The following PTPRB variants were observed in gnomAD, a reference collection of about 807,000 sequenced individuals.
The protein encoded by PTPRB is protein tyrosine phosphatase receptor type B, also known as receptor-type tyrosine-protein phosphatase beta.
Under a neutral mutation model 238.1 loss-of-function variants are expected in PTPRB, and 97 were observed. The ratio of observed to expected loss-of-function variants is 0.41; its 90% confidence interval spans 0.35 to 0.48. The LOEUF (loss-of-function observed/expected upper bound fraction) is 0.48, where lower values mean the gene tolerates loss of function less well. Among genes scored for constraint, PTPRB ranks in the 20% least tolerant of loss-of-function variants. PTPRB has a pLI of 0.30. For synonymous variants in PTPRB, 970 were observed against 995.4 expected (o/e 0.97, Z 0.48); for missense variants, 2,292 against 2,681.9 (o/e 0.85, Z 3.21).
At chr12:70,536,216 A>C in intron 28 of PTPRB, 57 bp from the exon 29 acceptor site, 4 of 1,551,582 alleles carry the variant, frequency 2.6e-6, no homozygotes, top group Non-Finnish European at 3.5e-6. Context: ...CAGAACTATA[A>C]ACAAAGAGTT....
chr12:70,532,227 T>G, intron 31 of PTPRB, 57 bp from the exon 32 acceptor site: 1 of 1,514,566 alleles, frequency 6.6e-7, no homozygotes, highest in Non-Finnish European at 8.8e-7. Context: ...CTTTCAAGAT[T>G]GCATCTAGAG....
At chr12:70,601,120 A>C (rs10879167) in intron 4 of PTPRB, among the ~76,000 whole-genome samples, 34,831 of 151,636 alleles carry the variant, frequency 0.23, 4,144 homozygotes, top group East Asian at 0.32. Context: ...CCCGCCTTGG[A>C]CTCCCAAAGT....
At position 70,596,152 on chromosome 12, in the gene PTPRB, T is replaced by A. The variant is rs574290035; in HGVS notation, c.1155A>T (p.Glu385Asp). The A allele has an allele frequency of 6.2e-7, 1 of 1,613,720 alleles. No individual in the cohort carries two copies. Among genetic ancestry groups the A allele is most frequent in the African/African-American group, 1.3e-5 (1 of 75,016 alleles). The change falls in exon 5 of 34, where the codon GAA (glutamate) becomes GAT (aspartate). Residue 385 changes from glutamate (E) to aspartate (D), a missense_variant. By Grantham distance (45) the Glu-to-Asp change is conservative (BLOSUM62 2). Transcript: ENST00000334414. The stretch of plus-strand genomic sequence containing the variant: ...CAGCAGTGAGATTGAAAAAAGTGTA[T>A]TCATTCCATGAAGTACTTTCTTGAA... ...VQIQESTSWN[E>D]YTFFNLTAGS...
intron 32 of PTPRB, among the ~76,000 whole-genome samples, chr12:70,530,417 G>T (rs1310371713): frequency 6.6e-6 from 1 of 151,934 alleles, no homozygotes; most frequent in East Asian, 1.9e-4. Flanking sequence ...GCATACAAAT[G>T]TACACATATA....
intron 14 of PTPRB, among the ~76,000 whole-genome samples, chr12:70,568,677 G>C (rs1879636421): frequency 6.6e-6 from 1 of 152,186 alleles, no homozygotes; most frequent in Non-Finnish European, 1.5e-5. Context: ...ATGAAATAGA[G>C]GCATAGTAGG....
intron 28 of PTPRB, among the ~76,000 whole-genome samples, chr12:70,537,574 T>C (rs1386449259): frequency 1.3e-5 from 2 of 152,188 alleles, no homozygotes; most frequent in African/African-American, 4.8e-5. Context: ...GCTTGAGGTA[T>C]GAGGTAAATA....
chr12:70,565,192 A>G (rs891502369), intron 15 of PTPRB, among the ~76,000 whole-genome samples: 1 of 151,984 alleles, frequency 6.6e-6, no homozygotes, highest in African/African-American at 2.4e-5. Flanking sequence ...TTGCTATCTG[A>G]TTTATCTTTT....
intron 2 of PTPRB, among the ~76,000 whole-genome samples, chr12:70,629,181 T>C (rs1208651876): frequency 6.6e-6 from 1 of 152,020 alleles, no homozygotes; most frequent in African/African-American, 2.4e-5. Flanking sequence ...CCTTGAAACA[T>C]TTTTTTAAAG....
At chr12:70,549,389 C>A (rs1876546611) in intron 21 of PTPRB, among the ~76,000 whole-genome samples, 2 of 152,210 alleles carry the variant, frequency 1.3e-5, no homozygotes, top group South Asian at 4.1e-4. Flanking sequence ...CAGACCAGCA[C>A]TTTCCTAACC....
At chr12:70,559,286 T>G in intron 18 of PTPRB, 57 bp downstream of exon 18, 1 of 1,516,992 alleles carries the variant, frequency 6.6e-7, no homozygotes. Flanking sequence ...AGTAAGATGT[T>G]GAACATATAC....
At chr12:70,614,315 G>A (rs965901131) in intron 3 of PTPRB, among the ~76,000 whole-genome samples, 5 of 152,056 alleles carry the variant, frequency 3.3e-5, no homozygotes, top group African/African-American at 1.2e-4. Context: ...ATTCAGGAGA[G>A]TTAATGAGAT....
At position 70,587,148 on chromosome 12, in the gene PTPRB, G is replaced by T; in HGVS notation, c.2170C>A (p.Leu724Ile). ...KYIISLADRDLLLIHKSLSKD... is the reference protein window; with the variant it reads ...KYIISLADRDILLIHKSLSKD... ...GAGAGTGACTTGTGGATCAGTAAGA[G>T]GTCTCTGTCAGCTAGGGAAATGATG... The change falls in exon 9 of 34, where the codon CTC becomes ATC. Residue 724 changes from leucine to isoleucine, a missense_variant. Physicochemically the swap from Leu to Ile is conservative, Grantham distance 5. Transcript: ENST00000334414. The T allele has an allele frequency of 6.2e-7, 1 of 1,613,872 alleles. No homozygotes were observed. The highest frequency in any genetic ancestry group is 8.5e-7 in the Non-Finnish European group (1 of 1,179,818).
At chr12:70,540,301 A>T (rs1874857480) in intron 23 of PTPRB, 1 of 314,930 alleles carries the variant, frequency 3.2e-6, no homozygotes, top group Non-Finnish European at 5.8e-6. Context: ...ACTTTGCTTT[A>T]AAAAAATCCA....
intron 11 of PTPRB, among the ~76,000 whole-genome samples, chr12:70,573,936 A>G (rs1337552747): frequency 1.3e-5 from 2 of 152,188 alleles, no homozygotes; most frequent in Non-Finnish European, 2.9e-5. Context: ...GAATAAGGCA[A>G]TTCTGTATTT....
intron 1 of PTPRB, 31 bp downstream of exon 1, chr12:70,637,310 T>G: frequency 6.3e-7 from 1 of 1,582,588 alleles, no homozygotes; most frequent in Non-Finnish European, 8.6e-7. Flanking sequence ...CTTGAAGAAA[T>G]GCCTCAGGAC....
At chr12:70,589,794 A>G (rs1472078207) in intron 8 of PTPRB, among the ~76,000 whole-genome samples, 170 bp downstream of exon 8, 1 of 152,190 alleles carries the variant, frequency 6.6e-6, no homozygotes, top group East Asian at 1.9e-4. Flanking sequence ...TAAATGTTCT[A>G]ATTTGACAAA....
chr12:70,538,053 T>G (rs2136244328), intron 28 of PTPRB, 102 bp downstream of exon 28: 1 of 961,962 alleles, frequency 1.0e-6, no homozygotes, highest in East Asian at 2.5e-5. Context: ...TCTACAGGTG[T>G]TTCCAGACCT....
intron 21 of PTPRB, among the ~76,000 whole-genome samples, chr12:70,545,556 T>C (rs1233268202): frequency 6.6e-6 from 1 of 152,090 alleles, no homozygotes; most frequent in Non-Finnish European, 1.5e-5. Flanking sequence ...AAAGCATATA[T>C]ACAATGGCAA....
intron 9 of PTPRB, among the ~76,000 whole-genome samples, chr12:70,586,218 G>T (rs1395460902): frequency 6.6e-6 from 1 of 152,126 alleles, no homozygotes; most frequent in Non-Finnish European, 1.5e-5. Context: ...TTGAGGATTT[G>T]CCAGACTGTC....
Sources: gnomAD v4.1 joint callset for allele counts (sites outside exome capture counted in the v4.1 genomes callset) on GRCh38, gnomAD v4.1.1 for gene constraint, MANE v1.5 for transcripts, NCBI Gene and HGNC (gene_info 2026-07-23, HGNC 2026-07-21) for gene names.